Variants in GTPBP4 observed in about 807,000 individuals in gnomAD.
GTPBP4 encodes GTP binding protein 4.
GTPBP4 carries 15 observed loss-of-function variants against 81.7 expected under a neutral mutation model. The ratio of observed to expected loss-of-function variants is 0.18; its 90% CI spans 0.12 to 0.28. The LOEUF is 0.28. Ranked by LOEUF, GTPBP4 falls within the 10% of genes least tolerant of loss-of-function variation. The pLI, the probability that GTPBP4 is intolerant of heterozygous loss-of-function variation, is 1.00. For missense variants in GTPBP4, 847 were observed against 793.8 expected (o/e 1.07, Z -0.81); for synonymous variants, 272 against 274.6 (o/e 0.99, Z 0.09).
chr10:1,015,222 A>C (rs1831953923), intron 15 of GTPBP4, among the ~76,000 whole-genome samples: 1 of 152,258 alleles, frequency 6.6e-6, no homozygotes, highest in South Asian at 2.1e-4. Context: ...AATTGTTACT[A>C]ATGTGAACTT....
chr10:1,008,051 T>C (rs761403409), intron 10 of GTPBP4: 1 of 463,168 alleles, frequency 2.2e-6, no homozygotes, highest in East Asian at 6.6e-5. Context: ...TATTAATTTT[T>C]TTTTCTGGGT....
intron 13 of GTPBP4, among the ~76,000 whole-genome samples, chr10:1,011,373 T>C (rs1831867199): frequency 6.9e-6 from 1 of 144,466 alleles, no homozygotes; most frequent in Non-Finnish European, 1.5e-5. Context: ...CCTTAGACCG[T>C]GTCCTCCATT....
At chr10:1,014,696 C>T (rs4880755) in intron 15 of GTPBP4, among the ~76,000 whole-genome samples, 76,534 of 151,804 alleles carry the variant, frequency 0.5, 19,543 homozygotes, top group South Asian at 0.6. Context: ...TTTGGAAAGC[C>T]GTGGGAACGT....
At chr10:994,860 C>G (rs911651935) in intron 2 of GTPBP4, among the ~76,000 whole-genome samples, 1 of 152,174 alleles carries the variant, frequency 6.6e-6, no homozygotes, top group African/African-American at 2.4e-5. Flanking sequence ...GTTCTGAGTC[C>G]TAGGAATCCA....
intron 2 of GTPBP4, among the ~76,000 whole-genome samples, chr10:994,595 T>C (rs1394518382): frequency 6.6e-6 from 1 of 152,152 alleles, no homozygotes; most frequent in Non-Finnish European, 1.5e-5. Context: ...TCTTAACTGA[T>C]TTGATATTAG....
At chr10:997,155 A>C (rs1831550128) in intron 4 of GTPBP4, 53 bp from the exon 5 acceptor site, 1 of 1,084,058 alleles carries the variant, frequency 9.2e-7, no homozygotes. Flanking sequence ...AGAAAATTTA[A>C]AGCAAATCTT....
At position 1,019,530 on chromosome 10, in the gene GTPBP4, A is replaced by G; in HGVS notation, c.*2303A>G. On this transcript the variant is annotated 3_prime_UTR_variant, in exon 17 of 17. Transcript: ENST00000360803. ...CCTCCCTGCCTCTCACACTCTGTGT[A>G]TTTTGTGAAGCTCCACAAACGGGGT... 6.2e-7 allele frequency: 1 copy of G among 1,612,778 alleles called. No homozygotes were observed. Among genetic ancestry groups the G allele is most frequent in the Non-Finnish European group, 8.5e-7 (1 of 1,179,130 alleles).
Position 1,019,913 on chromosome 10 carries a change from C to T in GTPBP4, c.*2686C>T, listed in dbSNP as rs898191140. On this transcript the variant is annotated 3_prime_UTR_variant, in exon 17 of 17. Coordinates refer to ENST00000360803, the MANE Select transcript of GTPBP4 (RefSeq NM_012341.3). Reference sequence around the variant, plus strand: ...TACAGAAAAATAGAGAAAATAAACACATTTGTTTTCCTCAGAAAATGAACA... The same window carrying T: ...TACAGAAAAATAGAGAAAATAAACATATTTGTTTTCCTCAGAAAATGAACA... 2.8e-6 allele frequency: 3 copies of T among 1,052,768 alleles called. No individual in the cohort carries two copies. In the South Asian group the frequency reaches 4.5e-5, roughly 16 times the overall value. 65.2% of individuals were successfully genotyped at this position (1,052,768 alleles called of 1,614,324 possible). A position where few individuals can be genotyped will look rare whatever the true frequency, so the allele number is the denominator to read the frequency against.
At chr10:991,393 G>A (rs922333752) in intron 1 of GTPBP4, among the ~76,000 whole-genome samples, 1 of 152,182 alleles carries the variant, frequency 6.6e-6, no homozygotes, top group African/African-American at 2.4e-5. Flanking sequence ...CCTGGGGATC[G>A]GATCCTTATT....
At position 992,570 on chromosome 10, in the gene GTPBP4, A is replaced by C. The variant is rs1376775917; in HGVS notation, c.130A>C (p.Arg44=). Residue 44 remains arginine, a synonymous_variant, in exon 2 of 17, where the codon AGA becomes CGA. Coordinates refer to ENST00000360803, the MANE Select transcript of GTPBP4 (RefSeq NM_012341.3). ...IHKHYQIHRI[R]HFYMRKVKFT... ...TAAACATTACCAAATACATCGCATT[A>C]GACATTTTTACATGAGAAAAGTCAA... 1 of 1,595,394 alleles carries C rather than the reference A, an allele frequency of 6.3e-7. No individual in the cohort carries two copies. Among genetic ancestry groups the C allele is most frequent in the East Asian group, 2.2e-5 (1 of 44,800 alleles).
At chr10:1,007,243 G>A in intron 10 of GTPBP4, 115 bp downstream of exon 10, 2 of 642,026 alleles carry the variant, frequency 3.1e-6, no homozygotes, top group South Asian at 1.8e-5. Context: ...GGATATTGTG[G>A]GTGGGCCTCA....
At chr10:999,874 G>A (rs1039805399) in intron 6 of GTPBP4, among the ~76,000 whole-genome samples, 3 of 152,158 alleles carry the variant, frequency 2.0e-5, no homozygotes, top group South Asian at 2.1e-4. Context: ...CTGGAGAATC[G>A]CTTGAACCCA....
At position 1,000,769 on chromosome 10, in the gene GTPBP4, T is replaced by C. The variant is rs1831614911; in HGVS notation, c.747T>C (p.Ala249=). ...TCACTGCCCTGGCCCACCTCCGTGC[T>C]GCGGTCCTGTATGTGATGGATTTGT... ...QAITALAHLR[A]AVLYVMDLSE... Residue 249 remains alanine, a synonymous_variant, in exon 7 of 17, where the codon GCT becomes GCC. Coordinates refer to ENST00000360803, the MANE Select transcript of GTPBP4 (RefSeq NM_012341.3). 6.2e-7 allele frequency: 1 copy of C among 1,609,632 alleles called. No individual in the cohort carries two copies. Among genetic ancestry groups the C allele is most frequent in the Non-Finnish European group, 8.5e-7 (1 of 1,177,680 alleles).
intron 13 of GTPBP4, 24 bp downstream of exon 13, chr10:1,010,544 G>A (rs750808093): frequency 2.6e-5 from 33 of 1,245,378 alleles, no homozygotes; most frequent in East Asian, 4.6e-5. Flanking sequence ...TTTAAATTGC[G>A]GATTGTTTTC....
chr10:992,527 G>C lies in GTPBP4; in HGVS notation c.87G>C (p.Lys29Asn). Residue 29 changes from lysine (K) to asparagine (N), a missense_variant, in exon 2 of 17, where the codon AAG becomes AAC. By Grantham distance (94) the Lys-to-Asn change is moderately conservative. Coordinates refer to ENST00000360803, the MANE Select transcript of GTPBP4 (RefSeq NM_012341.3). ...TCACGTTGTCGAAGACTCAACGAAAGACTCCAACCGTTATTCATAAACATT... is the reference window on the plus strand; with the variant it reads ...TCACGTTGTCGAAGACTCAACGAAACACTCCAACCGTTATTCATAAACATT... ...IDLTLSKTQRKTPTVIHKHYQ... is the reference protein window; with the variant it reads ...IDLTLSKTQRNTPTVIHKHYQ... 6.2e-7 allele frequency: 1 copy of C among 1,606,368 alleles called. No homozygotes were observed. The highest frequency in any genetic ancestry group is 8.5e-7 in the Non-Finnish European group (1 of 1,173,476).
rs755176140 is a variant in GTPBP4, at chr10:995,970, C to T, written c.261C>T (p.Tyr87=). The change falls in exon 3 of 17, where the codon TAC becomes TAT. Residue 87 remains tyrosine, a synonymous_variant. Transcript: ENST00000360803. ...PFYADLMNIL[Y]DKDHYKLALG... is the part of the protein sequence containing the mutation. ...ATGCTGATTTGATGAATATTCTCTA[C>T]GACAAGGATCATTACAAGTTGGCTC... is the stretch of plus-strand genomic sequence containing the variant. 1.2e-5 allele frequency: 20 copies of T among 1,611,026 alleles called. No individual in the cohort carries two copies. The highest frequency in any genetic ancestry group is 2.2e-5 in the South Asian group (2 of 91,016).
chr10:1,009,098 G>T, intron 11 of GTPBP4, 63 bp downstream of exon 11: 1 of 1,261,006 alleles, frequency 7.9e-7, no homozygotes, highest in Non-Finnish European at 1.2e-6. Context: ...TGTGCCCATC[G>T]TGGGGGCCTG....
intron 8 of GTPBP4, among the ~76,000 whole-genome samples, chr10:1,002,639 T>C (rs751701870): frequency 6.6e-5 from 10 of 152,214 alleles, no homozygotes; most frequent in Non-Finnish European, 1.3e-4. Context: ...CGGAAAGAAT[T>C]TATTTCTCCC....
At chr10:993,044 T>A (rs1016013759) in intron 2 of GTPBP4, among the ~76,000 whole-genome samples, 2 of 151,416 alleles carry the variant, frequency 1.3e-5, no homozygotes, top group Non-Finnish European at 2.9e-5. Context: ...TTCCAAGGGT[T>A]TTTTTTTTCC....
Sources: allele counts gnomAD v4.1 joint callset (sites outside exome capture counted in the v4.1 genomes callset), GRCh38; gene constraint gnomAD v4.1.1; transcripts MANE v1.5; gene names NCBI Gene and HGNC (gene_info 2026-07-23, HGNC 2026-07-21).